The following DLEC1 variants were observed in gnomAD, a reference collection of about 807,000 sequenced individuals.
DLEC1 encodes deleted in lung and esophageal cancer protein 1.
A neutral mutation model predicts 198.1 loss-of-function variants in DLEC1; 146 were observed. That is an observed-to-expected ratio of 0.74 (90% confidence interval 0.64 to 0.85). The LOEUF is 0.85. Among genes scored for constraint, DLEC1 ranks in the 40% least tolerant of loss-of-function variants. DLEC1 has a pLI of 0.00. For missense variants in DLEC1, 2,233 were observed against 2,220.0 expected, an observed-to-expected ratio of 1.01 and a Z score of -0.12; for synonymous variants, 897 against 866.8, an observed-to-expected ratio of 1.03 and a Z score of -0.61.
At position 38,117,259 on chromosome 3, in the gene DLEC1, G is replaced by A; in HGVS notation, c.4357G>A (p.Gly1453Arg). 6.2e-7 allele frequency: 1 copy of A among 1,614,148 alleles called. No individual in the cohort carries two copies. The highest frequency in any genetic ancestry group is 8.5e-7 in the Non-Finnish European group (1 of 1,180,000). Reference sequence around the variant, plus strand: ...GCATCGCCTGCAGGACTTTGCGGTGGGACCCCTGAAACTGGACCTGCATAG... The same window carrying A: ...GCATCGCCTGCAGGACTTTGCGGTGAGACCCCTGAAACTGGACCTGCATAG... The part of the protein sequence containing the change: ...KRHRLQDFAV[G>R]PLKLDLHSYV... The change falls in exon 31 of 37, where the codon GGA becomes AGA. Residue 1453 changes from glycine (G) to arginine (R), a missense_variant. Gly to Arg is a moderately radical substitution (Grantham distance 125). Coordinates refer to ENST00000308059, the MANE Select transcript of DLEC1 (RefSeq NM_007335.4).
intron 1 of DLEC1, among the ~76,000 whole-genome samples, 192 bp downstream of exon 1, chr3:38,039,828 C>G (rs1700571049): frequency 6.6e-6 from 1 of 152,224 alleles, no homozygotes; most frequent in Non-Finnish European, 1.5e-5. Flanking sequence ...GCGCAAATAC[C>G]ACACATACCA....
chr3:38,097,340 A>G (rs1699080598), intron 16 of DLEC1, 65 bp downstream of exon 16: 1 of 1,544,118 alleles, frequency 6.5e-7, no homozygotes, highest in Non-Finnish European at 8.8e-7. Flanking sequence ...AAATCTTCAG[A>G]GTTAAAGGGG....
intron 33 of DLEC1, 69 bp downstream of exon 33, chr3:38,118,093 C>T (rs1700280202): frequency 8.0e-6 from 12 of 1,503,312 alleles, no homozygotes; most frequent in Admixed American, 2.0e-5. Context: ...AGCACCCCTG[C>T]ACGCCACCCT....
chr3:38,106,247 G>T (rs1699561962), intron 19 of DLEC1, among the ~76,000 whole-genome samples: 1 of 152,068 alleles, frequency 6.6e-6, no homozygotes, highest in East Asian at 1.9e-4. Context: ...TCTTGATATG[G>T]TTATATCAGT....
intron 7 of DLEC1, 111 bp from the exon 8 acceptor site, chr3:38,085,163 A>C (rs1283687583): frequency 8.2e-7 from 1 of 1,222,056 alleles, no homozygotes; most frequent in African/African-American, 1.5e-5. Context: ...TTTGGCCCAG[A>C]AGGCACTTAC....
rs1263738412 is a variant in DLEC1 at position 38,116,518 on chromosome 3, G to C, written c.3922G>C (p.Val1308Leu). 2.5e-6 allele frequency: 4 copies of C among 1,614,138 alleles called. No homozygotes were observed. Among genetic ancestry groups the C allele is most frequent in the East Asian group, 2.2e-5 (1 of 44,876 alleles). ...DKEDRLVELL[V>L]FYGPPFPLRD... ...GGAAGACCGGCTGGTGGAGCTGCTG[G>C]TGTTTTATGGGCCACCTTTCCCGCT... is the stretch of plus-strand genomic sequence containing the variant. Residue 1308 changes from valine to leucine, a missense_variant, in exon 28 of 37, where the codon GTG becomes CTG. Physicochemically the swap from Val to Leu is conservative, Grantham distance 32. Coordinates refer to ENST00000308059, the MANE Select transcript of DLEC1 (RefSeq NM_007335.4).
At chr3:38,060,698 A>AT (rs11410521) in intron 3 of DLEC1, among the ~76,000 whole-genome samples, 46,011 of 147,284 alleles carry the variant, frequency 0.31, 7,190 homozygotes, top group East Asian at 0.55. Context: ...GCCACTTAGT[A>AT]TTTTTTTTTT....
Position 38,039,298 on chromosome 3 carries a change from G to T in DLEC1, c.73G>T (p.Ala25Ser), listed in dbSNP as rs879067044. Residue 25 changes from alanine (A) to serine (S), a missense_variant, in exon 1 of 37, where the codon GCG (alanine) becomes TCG (serine). Ala to Ser is a moderately conservative substitution (Grantham distance 99). Transcript: ENST00000308059. The part of the protein sequence containing the change: ...RTNECQGTMW[A>S]PTSPPAGSSS... The stretch of plus-strand genomic sequence containing the variant: ...CAACGAGTGCCAGGGGACAATGTGG[G>T]CGCCAACTTCGCCACCAGCCGGGTC... 2 of 1,614,206 alleles carry T rather than the reference G, an allele frequency of 1.2e-6. No individual in the cohort carries two copies. The highest frequency in any genetic ancestry group is 2.2e-5 in the South Asian group (2 of 91,088).
intron 18 of DLEC1, 79 bp downstream of exon 18, chr3:38,097,981 G>T: frequency 1.3e-6 from 2 of 1,578,082 alleles, no homozygotes; most frequent in Non-Finnish European, 1.7e-6. Flanking sequence ...TTGCCCTGGT[G>T]TGTTTAGATC....
At position 38,108,430 on chromosome 3, in the gene DLEC1, G is replaced by T; in HGVS notation, c.3044G>T (p.Cys1015Phe). The T allele has an allele frequency of 6.2e-7, 1 of 1,614,148 alleles. No homozygotes were observed. The highest frequency in any genetic ancestry group is 8.5e-7 in the Non-Finnish European group (1 of 1,180,018). ...GKLLGHQAEF[C>F]MVTVSPKHGL... ...CTCCTCGGACACCAAGCAGAATTCT[G>T]CATGGTGACAGTCTCCCCCAAACAT... The change falls in exon 21 of 37, where the codon TGC (cysteine) becomes TTC (phenylalanine). Residue 1015 changes from cysteine (C) to phenylalanine (F), a missense_variant. Cys to Phe is a radical substitution (Grantham distance 205). Coordinates refer to ENST00000308059, the MANE Select transcript of DLEC1 (RefSeq NM_007335.4).
chr3:38,070,947 TATATTA>T (rs2125633682), intron 6 of DLEC1, among the ~76,000 whole-genome samples: 1 of 152,232 alleles, frequency 6.6e-6, no homozygotes, highest in Admixed American at 6.5e-5. Flanking sequence ...CCTGCCTTCT[TATATTA>T]ATAAGAAAAA....
intron 6 of DLEC1, among the ~76,000 whole-genome samples, chr3:38,071,407 G>A (rs983904766): frequency 2.0e-5 from 3 of 152,206 alleles, no homozygotes; most frequent in Admixed American, 1.3e-4. Context: ...TCTAAGAGAC[G>A]GGCTAGCGGC....
chr3:38,090,061 T>C (rs1698662999), intron 10 of DLEC1, among the ~76,000 whole-genome samples: 2 of 151,962 alleles, frequency 1.3e-5, no homozygotes, highest in African/African-American at 4.8e-5. Flanking sequence ...CCAGGTGTAG[T>C]GGCTCACACC....
intron 6 of DLEC1, among the ~76,000 whole-genome samples, chr3:38,065,204 G>T (rs150147424): frequency 6.6e-6 from 1 of 152,258 alleles, no homozygotes; most frequent in East Asian, 1.9e-4. Flanking sequence ...CATGCGTGGC[G>T]GCGCACGCCT....
rs1207413823 is a variant in DLEC1 at position 38,092,829 on chromosome 3, A to T, written c.1705A>T (p.Thr569Ser). The T allele has an allele frequency of 8.7e-6, 14 of 1,614,132 alleles. No homozygotes were observed. The highest frequency in any genetic ancestry group is 5.5e-5 in the South Asian group (5 of 91,082). ...AAAGAGCCTAGGAAAGGCAGAGCAG[A>T]CCTTCATCATCATGTGCGACAACTG... ...SPKSLGKAEQ[T>S]FIIMCDNCQI... Residue 569 changes from threonine (T) to serine (S), a missense_variant, in exon 11 of 37, where the codon ACC (threonine) becomes TCC (serine). Thr to Ser is a moderately conservative substitution (Grantham distance 58). Coordinates refer to ENST00000308059, the MANE Select transcript of DLEC1 (RefSeq NM_007335.4).
intron 6 of DLEC1, among the ~76,000 whole-genome samples, chr3:38,070,618 T>C (rs1697262711): frequency 6.6e-6 from 1 of 151,892 alleles, no homozygotes; most frequent in South Asian, 2.1e-4. Context: ...ATGGGGTGGG[T>C]CCATTTTATA....
rs73825486 is a variant in DLEC1 at position 38,052,267 on chromosome 3, G to A, written c.562+6574G>A. 908 of 479,618 alleles carry A rather than the reference G, an allele frequency of 1.9e-3. 5 individuals are homozygous for A. The highest frequency in any genetic ancestry group is 0.017 in the African/African-American group (856 of 50,646). The allele number at this position is 479,618 out of a possible 1,614,324, so 29.7% of individuals were successfully genotyped here. On this transcript the variant is annotated intron_variant, in intron 2 of 36. Transcript: ENST00000308059. ...GACCAGAGACTCCCTGTTGGTGAAG[G>A]TGTGGGACCTCAACATAGAGAGCAG... is the stretch of plus-strand genomic sequence containing the variant.
intron 10 of DLEC1, among the ~76,000 whole-genome samples, chr3:38,089,836 C>T (rs1421470120): frequency 1.3e-5 from 2 of 152,058 alleles, no homozygotes; most frequent in Non-Finnish European, 2.9e-5. Flanking sequence ...TTGTCTGTTC[C>T]AAAATGTATT....
chr3:38,054,583 C>T (rs968042522), intron 2 of DLEC1, among the ~76,000 whole-genome samples: 2 of 152,206 alleles, frequency 1.3e-5, no homozygotes, highest in African/African-American at 2.4e-5. Context: ...TTGGAGAACT[C>T]ACTGCTTTTT....
Sources: allele counts gnomAD v4.1 joint callset (sites outside exome capture counted in the v4.1 genomes callset), GRCh38; gene constraint gnomAD v4.1.1; transcripts MANE v1.5; gene names NCBI Gene and HGNC (gene_info 2026-07-23, HGNC 2026-07-21).